Variants in GPC5 observed in about 807,000 individuals in gnomAD.
The protein encoded by GPC5 is glypican-5.
GPC5 carries 47 observed loss-of-function variants against 53.9 expected under a neutral mutation model. The ratio of observed to expected loss-of-function variants is 0.87; its 90% confidence interval spans 0.69 to 1.11. The LOEUF (loss-of-function observed/expected upper bound fraction) is 1.11, where lower values mean the gene tolerates loss of function less well. Ranked by LOEUF, GPC5 falls within the 50% of genes most tolerant of loss-of-function variation. GPC5 has a pLI of 0.00. For missense variants in GPC5, 748 were observed against 713.1 expected (o/e 1.05, Z -0.56); for synonymous variants, 286 against 263.3 (o/e 1.09, Z -0.84).
At chr13:92,792,362 A>AT (rs770401174) in intron 7 of GPC5, among the ~76,000 whole-genome samples, 58 of 152,154 alleles carry the variant, frequency 3.8e-4, no homozygotes, top group Admixed American at 3.3e-4. Context: ...ATGCTGAGAG[A>AT]TTTTGTCATC....
intron 7 of GPC5, among the ~76,000 whole-genome samples, chr13:92,512,283 G>A (rs868381150): frequency 6.6e-6 from 1 of 151,876 alleles, no homozygotes; most frequent in Non-Finnish European, 1.5e-5. Flanking sequence ...GTGCATGCAC[G>A]CTCATGGTAA....
intron 3 of GPC5, among the ~76,000 whole-genome samples, chr13:91,702,719 G>A (rs748181992): frequency 6.6e-6 from 1 of 151,890 alleles, no homozygotes; most frequent in Non-Finnish European, 1.5e-5. Context: ...ATCTATAGAT[G>A]GCTTTAGGTA....
At chr13:92,203,755 G>GA (rs11456004) in intron 7 of GPC5, among the ~76,000 whole-genome samples, 78,234 of 142,262 alleles carry the variant, frequency 0.55, 21,422 homozygotes, top group Middle Eastern at 0.7. Context: ...AACTTACTAG[G>GA]AAAAAAAAAA....
intron 7 of GPC5, among the ~76,000 whole-genome samples, chr13:92,803,858 CATCACACT>C (rs1415250102): frequency 6.6e-6 from 1 of 151,896 alleles, no homozygotes; most frequent in Non-Finnish European, 1.5e-5. Context: ...ATCATGGAGA[CATCACACT>C]TCACTTCTCC....
At position 92,738,177 on chromosome 13, in the gene GPC5, T is replaced by C. The variant is rs1324084540; in HGVS notation, c.1562-128105T>C. Among the ~76,000 whole-genome samples, 2 of 152,126 alleles carry C rather than the reference T, an allele frequency of 1.3e-5. 1 individual carries two copies. The highest frequency in any genetic ancestry group is 1.3e-4 in the Admixed American group (2 of 15,250). ...CTACAACCATACTGAGATATGTTTTTACCATATATATCTATGTCATCTCTT... is the reference window on the plus strand; with the variant it reads ...CTACAACCATACTGAGATATGTTTTCACCATATATATCTATGTCATCTCTT... On this transcript the variant is annotated intron_variant, in intron 7 of 7. Coordinates refer to ENST00000377067, the MANE Select transcript of GPC5 (RefSeq NM_004466.6).
intron 7 of GPC5, among the ~76,000 whole-genome samples, chr13:92,740,201 C>G (rs755967402): frequency 6.6e-6 from 1 of 152,018 alleles, no homozygotes; most frequent in Non-Finnish European, 1.5e-5. Flanking sequence ...AGCCCACCCT[C>G]CCACTTTCTT....
chr13:91,804,486 T>A (rs561619524), intron 5 of GPC5, among the ~76,000 whole-genome samples: 1 of 152,172 alleles, frequency 6.6e-6, no homozygotes, highest in Non-Finnish European at 1.5e-5. Context: ...TTGGAAAAAT[T>A]TCTTGACATC....
chr13:92,175,130 G>A (rs952665629), intron 7 of GPC5, among the ~76,000 whole-genome samples: 1 of 152,198 alleles, frequency 6.6e-6, no homozygotes, highest in Non-Finnish European at 1.5e-5. Flanking sequence ...TGGGATTACA[G>A]GCGTGAGCCA....
intron 5 of GPC5, among the ~76,000 whole-genome samples, chr13:91,761,372 T>A (rs1456522351): frequency 6.6e-6 from 1 of 152,100 alleles, no homozygotes; most frequent in Non-Finnish European, 1.5e-5. Flanking sequence ...TGGGGTTTTT[T>A]TTCACCACAC....
At chr13:91,829,743 C>A (rs551221143) in intron 5 of GPC5, among the ~76,000 whole-genome samples, 2 of 151,856 alleles carry the variant, frequency 1.3e-5, no homozygotes, top group Non-Finnish European at 2.9e-5. Flanking sequence ...GCTGGGCATC[C>A]GGGGGAGACA....
intron 7 of GPC5, among the ~76,000 whole-genome samples, chr13:92,458,314 G>T (rs1057151245): frequency 2.4e-5 from 3 of 126,692 alleles, no homozygotes; most frequent in African/African-American, 9.6e-5. Flanking sequence ...GGGGGGGGCA[G>T]GGTGGGGGAT....
chr13:92,013,920 C>A (rs1199671389), intron 6 of GPC5, among the ~76,000 whole-genome samples: 1 of 151,916 alleles, frequency 6.6e-6, no homozygotes, highest in African/African-American at 2.4e-5. Flanking sequence ...TATTATTTCC[C>A]AAAACAGATA....
chr13:92,742,188 T>TA (rs1210252319), intron 7 of GPC5, among the ~76,000 whole-genome samples: 1 of 151,300 alleles, frequency 6.6e-6, no homozygotes, highest in Non-Finnish European at 1.5e-5. Context: ...TGAACTAGTT[T>TA]ACAGTCCCAC....
intron 6 of GPC5, among the ~76,000 whole-genome samples, chr13:92,008,201 T>A (rs1017917752): frequency 4.6e-5 from 7 of 151,824 alleles, no homozygotes; most frequent in African/African-American, 9.7e-5. Flanking sequence ...TAGCTGGGAC[T>A]ACAGGCGCCC....
chr13:92,783,645 A>C (rs1876111208), intron 7 of GPC5, among the ~76,000 whole-genome samples: 1 of 152,198 alleles, frequency 6.6e-6, no homozygotes, highest in South Asian at 2.1e-4. Flanking sequence ...ATATAATTTC[A>C]CAAAGGAGCT....
chr13:92,389,092 A>G (rs1163174324), intron 7 of GPC5, among the ~76,000 whole-genome samples: 1 of 152,134 alleles, frequency 6.6e-6, no homozygotes, highest in Non-Finnish European at 1.5e-5. Flanking sequence ...GCAAATAATG[A>G]CAAATAACAC....
intron 6 of GPC5, among the ~76,000 whole-genome samples, chr13:92,140,690 G>A (rs1388676602): frequency 2.6e-5 from 4 of 152,150 alleles, no homozygotes; most frequent in African/African-American, 4.8e-5. Flanking sequence ...AAAATGACAC[G>A]GTGAAAGTAC....
chr13:91,964,349 C>G (rs1817443918), intron 6 of GPC5, among the ~76,000 whole-genome samples: 1 of 152,156 alleles, frequency 6.6e-6, no homozygotes, highest in Non-Finnish European at 1.5e-5. Flanking sequence ...TTTGGTCCCA[C>G]CCACATCCTG....
chr13:91,602,903 T>C (rs1329292935), intron 2 of GPC5, among the ~76,000 whole-genome samples: 1 of 152,210 alleles, frequency 6.6e-6, no homozygotes, highest in Non-Finnish European at 1.5e-5. Context: ...AGCAAGGAAC[T>C]AAGATACGCC....
Sources: allele counts gnomAD v4.1 joint callset (sites outside exome capture counted in the v4.1 genomes callset), GRCh38; gene constraint gnomAD v4.1.1; transcripts MANE v1.5; gene names NCBI Gene and HGNC (gene_info 2026-07-23, HGNC 2026-07-21).